Variants in TBC1D4 observed in about 807,000 individuals in gnomAD.
The protein encoded by TBC1D4 is TBC1 domain family member 4.
TBC1D4 carries 121 observed loss-of-function variants against 142.5 expected under a neutral mutation model. The ratio of observed to expected loss-of-function variants is 0.85; its 90% CI spans 0.73 to 0.99. The LOEUF (loss-of-function observed/expected upper bound fraction) is 0.99. TBC1D4 is among the 50% of genes least tolerant of loss of function. The pLI is 0.00. For synonymous variants in TBC1D4, 630 were observed against 628.2 expected (o/e 1.00, Z -0.04); for missense variants, 1,475 against 1,606.6 (o/e 0.92, Z 1.40).
intron 1 of TBC1D4, among the ~76,000 whole-genome samples, chr13:75,381,291 C>A (rs1883833237): frequency 6.6e-6 from 1 of 152,108 alleles, no homozygotes; most frequent in Non-Finnish European, 1.5e-5. Flanking sequence ...CCTTCCTCAC[C>A]GTCCCTATTT....
chr13:75,362,535 C>A lies in TBC1D4; in HGVS notation c.571G>T (p.Asp191Tyr). ...GAGTTGTAAAAGGCGTCCTCATTAT[C>A]TTTGCTGGGTTTGGCATCCTCTTTC... Reference protein sequence around the residue: ...AMKEDAKPSKDNEDAFYNSQK... With the variant: ...AMKEDAKPSKYNEDAFYNSQK... Residue 191 changes from aspartate to tyrosine, a missense_variant, in exon 2 of 21, where the codon GAT (aspartate) becomes TAT (tyrosine). By Grantham distance (160) the Asp-to-Tyr change is radical. Around this residue, in one of 2 missense-constraint regions of TBC1D4, gnomAD observed 1,227 missense variants for 1,267.7 expected, o/e 0.97. Coordinates refer to ENST00000377636, the MANE Select transcript of TBC1D4 (RefSeq NM_014832.5). The surrounding 1 kb of genome is among the most constrained non-coding windows in gnomAD (Gnocchi z 4.2). 7 of 1,614,218 alleles carry A rather than the reference C, an allele frequency of 4.3e-6. No homozygotes were observed. Among genetic ancestry groups the A allele is most frequent in the Middle Eastern group, 3.3e-4 (2 of 6,062 alleles).
chr13:75,324,204 T>C, intron 11 of TBC1D4, 33 bp downstream of exon 11: 2 of 1,613,116 alleles, frequency 1.2e-6, no homozygotes, highest in Non-Finnish European at 1.7e-6. Context: ...CTGCAGAAAA[T>C]TTTGCTTTGC....
At chr13:75,408,393 C>A (rs1885442379) in intron 1 of TBC1D4, among the ~76,000 whole-genome samples, 1 of 152,120 alleles carries the variant, frequency 6.6e-6, no homozygotes, top group East Asian at 1.9e-4. Flanking sequence ...TTGGCTATTA[C>A]GAATAATGCT....
At chr13:75,423,469 AAGAG>A (rs201869648) in intron 1 of TBC1D4, among the ~76,000 whole-genome samples, 5 of 152,238 alleles carry the variant, frequency 3.3e-5, no homozygotes, top group East Asian at 1.9e-4. Context: ...TTTTAAGAAA[AAGAG>A]AGAGAGAGTT....
intron 1 of TBC1D4, among the ~76,000 whole-genome samples, chr13:75,440,000 G>A (rs1182255021): frequency 6.6e-6 from 1 of 152,108 alleles, no homozygotes; most frequent in Non-Finnish European, 1.5e-5. Flanking sequence ...TACACTTAAT[G>A]AGCATAATAA....
In TBC1D4 at chr13:75,413,280, GC is replaced by G. The variant is rs546141344; in HGVS notation, c.499-50674del. Among the ~76,000 whole-genome samples, 732 of 151,996 alleles carry G rather than the reference GC, an allele frequency of 4.8e-3. 3 individuals are homozygous for G. The highest frequency in any genetic ancestry group is 0.017 in the African/African-American group (699 of 41,446). ...GGGTTCAAGCAATTCTCTTGCCTCA[GC>G]CTCCCGAGTAGCTGGGACTACAGGT... On this transcript the variant is annotated intron_variant, in intron 1 of 20. Coordinates refer to ENST00000377636, the MANE Select transcript of TBC1D4 (RefSeq NM_014832.5).
intron 6 of TBC1D4, 59 bp downstream of exon 6, chr13:75,341,437 A>T: frequency 6.5e-7 from 1 of 1,537,108 alleles, no homozygotes; most frequent in South Asian, 1.1e-5. Context: ...GAACGCATAA[A>T]AACAGGATCC....
At chr13:75,336,835 G>T in intron 8 of TBC1D4, 86 bp downstream of exon 8, 1 of 1,447,348 alleles carries the variant, frequency 6.9e-7, no homozygotes, top group Non-Finnish European at 9.4e-7. Flanking sequence ...TTTGTTTTAA[G>T]GAAATCAGTG....
At chr13:75,342,244 T>C (rs568040) in intron 5 of TBC1D4, among the ~76,000 whole-genome samples, 75,504 of 151,888 alleles carry the variant, frequency 0.5, 19,372 homozygotes, top group East Asian at 0.8. Flanking sequence ...TAAGCGATAC[T>C]GAGCACAACC....
intron 19 of TBC1D4, among the ~76,000 whole-genome samples, chr13:75,291,810 T>C (rs1875338478): frequency 6.6e-6 from 1 of 152,208 alleles, no homozygotes; most frequent in African/African-American, 2.4e-5. Flanking sequence ...GGCAAGAGGA[T>C]CTGATTTTAT....
At chr13:75,359,932 AC>A in intron 2 of TBC1D4, 74 bp from the exon 3 acceptor site, 1 of 1,168,418 alleles carries the variant, frequency 8.6e-7, no homozygotes, top group Non-Finnish European at 1.3e-6. Flanking sequence ...CAAATATTAA[AC>A]TAATAATATA....
chr13:75,327,633 A>T, intron 9 of TBC1D4, 119 bp downstream of exon 9: 1 of 966,390 alleles, frequency 1.0e-6, no homozygotes, highest in Non-Finnish European at 1.6e-6. Flanking sequence ...TAAAGTCTCA[A>T]ATATTTATTT....
chr13:75,414,456 A>G (rs1885826403), intron 1 of TBC1D4, among the ~76,000 whole-genome samples: 1 of 152,148 alleles, frequency 6.6e-6, no homozygotes, highest in Non-Finnish European at 1.5e-5. Flanking sequence ...AAATGAGGGG[A>G]AGTATTTTAG....
intron 1 of TBC1D4, among the ~76,000 whole-genome samples, 177 bp downstream of exon 1, chr13:75,481,093 C>T (rs1289350716): frequency 6.6e-6 from 1 of 152,238 alleles, no homozygotes; most frequent in Non-Finnish European, 1.5e-5. Context: ...AACGCCTTCT[C>T]TCCCACTCCC....
intron 14 of TBC1D4, among the ~76,000 whole-genome samples, chr13:75,307,334 A>T (rs1171746309): frequency 6.6e-6 from 1 of 152,228 alleles, no homozygotes; most frequent in Non-Finnish European, 1.5e-5. Context: ...TTCTATTTTT[A>T]AAATAATATA....
At chr13:75,301,407 C>A (rs1172983322) in intron 16 of TBC1D4, among the ~76,000 whole-genome samples, 1 of 151,922 alleles carries the variant, frequency 6.6e-6, no homozygotes, top group Non-Finnish European at 1.5e-5. Context: ...TCTGGGAGGC[C>A]GAGGCGGGTG....
At position 75,326,378 on chromosome 13, in the gene TBC1D4, G is replaced by A. The variant is rs753588959; in HGVS notation, c.1852C>T (p.Pro618Ser). ...DSPPGTPPAS[P>S]PSSAWQTFPE... The stretch of plus-strand genomic sequence containing the variant: ...AACGTTTGCCAAGCTGAGGACGGTG[G>A]GGACGCTGGCGGTGTCCCTGGTGGA... The change falls in exon 10 of 21, where the codon CCA becomes TCA. Residue 618 changes from proline (P) to serine (S), a missense_variant. Pro to Ser is a moderately conservative substitution (Grantham distance 74). This residue lies in a region of TBC1D4 where 1,227 missense variants were observed against 1,267.7 expected (regional missense o/e 0.97). Coordinates refer to ENST00000377636, the MANE Select transcript of TBC1D4 (RefSeq NM_014832.5). 1 of 1,614,110 alleles carries A rather than the reference G, an allele frequency of 6.2e-7. No individual in the cohort carries two copies. The highest frequency in any genetic ancestry group is 8.5e-7 in the Non-Finnish European group (1 of 1,180,020).
At chr13:75,298,325 A>G (rs564261033) in intron 17 of TBC1D4, among the ~76,000 whole-genome samples, 1 of 152,344 alleles carries the variant, frequency 6.6e-6, no homozygotes, top group Non-Finnish European at 1.5e-5. Flanking sequence ...CTTATTAGCA[A>G]CCAACCCACT....
At chr13:75,319,623 T>C (rs1156456632) in intron 12 of TBC1D4, among the ~76,000 whole-genome samples, 1 of 152,286 alleles carries the variant, frequency 6.6e-6, no homozygotes, top group Admixed American at 6.5e-5. Flanking sequence ...TGTGAGTACG[T>C]TTCTTTTAGG....
Sources: allele counts gnomAD v4.1 joint callset (sites outside exome capture counted in the v4.1 genomes callset), GRCh38; gene constraint gnomAD v4.1.1; regional missense constraint gnomAD v4.1.1; non-coding constraint Gnocchi (gnomAD v3.1); transcripts MANE v1.5; gene names NCBI Gene and HGNC (gene_info 2026-07-23, HGNC 2026-07-21).